SPMIP2: variants seen among roughly 807,000 people sequenced by gnomAD.
SPMIP2 encodes the protein protein SPMIP2.
the SPMIP2 span, among the ~76,000 whole-genome samples, chr4:159,031,993 G>A: frequency 1.3e-5 from 2 of 152,214 alleles, no homozygotes; most frequent in East Asian, 1.9e-4. Flanking sequence ...AGGCTGAGGC[G>A]GGCAGATCAC....
chr4:158,902,172 G>C, the SPMIP2 span, among the ~76,000 whole-genome samples: 2 of 152,092 alleles, frequency 1.3e-5, no homozygotes, highest in African/African-American at 4.8e-5. Context: ...TGGGGTCTCT[G>C]AGTGGACGTC....
At chr4:158,973,487 ATTC>A in the SPMIP2 span, among the ~76,000 whole-genome samples, 1 of 152,168 alleles carries the variant, frequency 6.6e-6, no homozygotes, top group Non-Finnish European at 1.5e-5. Context: ...ATAATTAATA[ATTC>A]TTATTAATGC....
At chr4:159,082,343 A>G in the SPMIP2 span, among the ~76,000 whole-genome samples, 2 of 78,358 alleles carry the variant, frequency 2.6e-5, no homozygotes, top group African/African-American at 7.7e-5. Context: ...AAATAAATAA[A>G]TAAATAAATA....
the SPMIP2 span, among the ~76,000 whole-genome samples, chr4:158,945,989 A>T: frequency 6.6e-6 from 1 of 152,184 alleles, no homozygotes; most frequent in Non-Finnish European, 1.5e-5. Flanking sequence ...CCCTCGGTAA[A>T]CCTGGTCTCC....
the SPMIP2 span, among the ~76,000 whole-genome samples, chr4:159,004,326 T>A: frequency 2.2e-5 from 3 of 134,308 alleles, no homozygotes; most frequent in Non-Finnish European, 4.7e-5. Context: ...ATTCTCACTC[T>A]TTTGCCCAGG....
At chr4:158,970,511 G>A in the SPMIP2 span, among the ~76,000 whole-genome samples, 1 of 151,324 alleles carries the variant, frequency 6.6e-6, no homozygotes, top group East Asian at 1.9e-4. Context: ...CTGTACTCCA[G>A]CCTGGGGGAC....
the SPMIP2 span, among the ~76,000 whole-genome samples, chr4:158,952,606 T>A: frequency 2.6e-5 from 4 of 152,182 alleles, no homozygotes; most frequent in Admixed American, 2.0e-4. Flanking sequence ...CCCTAAAATG[T>A]GGAAGCAACT....
chr4:159,007,174 A>G, the SPMIP2 span: 3 of 1,003,928 alleles, frequency 3.0e-6, no homozygotes, highest in African/African-American at 3.2e-5. Context: ...ACAGGTGGAG[A>G]TCTTCAGGCA....
chr4:159,032,868 GC>G, the SPMIP2 span, among the ~76,000 whole-genome samples: 2 of 149,598 alleles, frequency 1.3e-5, no homozygotes, highest in Non-Finnish European at 2.9e-5. Context: ...CTCATTCATT[GC>G]TGATGGACAT....
the SPMIP2 span, among the ~76,000 whole-genome samples, chr4:159,075,093 G>A: frequency 1.3e-5 from 2 of 152,142 alleles, no homozygotes; most frequent in Admixed American, 6.5e-5. Context: ...TCTATTAGTT[G>A]AACCTGCCTA....
chr4:159,027,046 C>A, the SPMIP2 span, among the ~76,000 whole-genome samples: 96 of 151,178 alleles, frequency 6.4e-4, no homozygotes, highest in South Asian at 2.7e-3. Flanking sequence ...AGTTAGGTGA[C>A]CAACAATTTA....
At chr4:158,988,984 C>A in the SPMIP2 span, among the ~76,000 whole-genome samples, 1 of 152,078 alleles carries the variant, frequency 6.6e-6, no homozygotes, top group Non-Finnish European at 1.5e-5. Context: ...TTTACAAAAC[C>A]CCACAGTCTC....
the SPMIP2 span, among the ~76,000 whole-genome samples, chr4:159,071,765 A>T: frequency 1.3e-5 from 2 of 151,396 alleles, 1 homozygote; most frequent in African/African-American, 4.9e-5. Flanking sequence ...CCAGTTTCTC[A>T]AGCTGTGGAG....
At chr4:158,985,053 G>A in the SPMIP2 span, among the ~76,000 whole-genome samples, 68 of 149,924 alleles carry the variant, frequency 4.5e-4, no homozygotes, top group South Asian at 3.8e-3. Context: ...TAAATTCCTC[G>A]ACACATACAC....
At chr4:159,015,023 A>C in the SPMIP2 span, among the ~76,000 whole-genome samples, 2 of 152,242 alleles carry the variant, frequency 1.3e-5, no homozygotes, top group African/African-American at 4.8e-5. Flanking sequence ...CAGTGATGGT[A>C]ATAAAATTAC....
At chr4:159,035,434 C>T in the SPMIP2 span, among the ~76,000 whole-genome samples, 2 of 152,174 alleles carry the variant, frequency 1.3e-5, no homozygotes, top group Non-Finnish European at 2.9e-5. Flanking sequence ...ATCTGGCAGG[C>T]TCAGTCACCA....
At chr4:158,964,831 T>TGA in the SPMIP2 span, among the ~76,000 whole-genome samples, 1 of 152,008 alleles carries the variant, frequency 6.6e-6, no homozygotes. Context: ...TGGTGGCAGG[T>TGA]GAGAGAGAGC....
the SPMIP2 span, among the ~76,000 whole-genome samples, chr4:158,962,123 A>G: frequency 6.6e-6 from 1 of 152,186 alleles, no homozygotes; most frequent in South Asian, 2.1e-4. Flanking sequence ...AACTACATTC[A>G]CATATCGTGA....
At chr4:159,082,560 T>A in the SPMIP2 span, among the ~76,000 whole-genome samples, 1,413 of 149,806 alleles carry the variant, frequency 9.4e-3, 20 homozygotes, top group African/African-American at 0.032. Flanking sequence ...GACTGAAGAC[T>A]GAGAATAGGA....
Sources: allele counts gnomAD v4.1 joint callset (sites outside exome capture counted in the v4.1 genomes callset), GRCh38; gene constraint gnomAD v4.1.1; transcripts MANE v1.5; gene names NCBI Gene and HGNC (gene_info 2026-07-23, HGNC 2026-07-21).